The following MMP16 variants were observed in gnomAD, a reference collection of about 807,000 sequenced individuals.
MMP16 encodes matrix metallopeptidase 16.
MMP16 carries 12 observed loss-of-function variants against 67.8 expected under a neutral mutation model. The observed-to-expected ratio is 0.18, with a 90% CI of 0.11 to 0.29. MMP16 has a LOEUF of 0.29. MMP16 is among the 10% of genes least tolerant of loss of function. MMP16 has a pLI of 1.00. For synonymous variants in MMP16, 249 were observed against 255.9 expected (o/e 0.97, Z 0.26); for missense variants, 475 against 765.7 (o/e 0.62, Z 4.48).
At chr8:88,099,855 A>C (rs1045209597) in intron 6 of MMP16, among the ~76,000 whole-genome samples, 18 of 151,922 alleles carry the variant, frequency 1.2e-4, no homozygotes, top group Admixed American at 2.6e-4. Flanking sequence ...TGCATTTTAT[A>C]TAGGTAGAAT....
chr8:88,181,474 A>G (rs1808979833), intron 3 of MMP16, among the ~76,000 whole-genome samples: 1 of 151,886 alleles, frequency 6.6e-6, no homozygotes, highest in Non-Finnish European at 1.5e-5. Context: ...TAAATCTATC[A>G]AAATATGCAT....
chr8:88,044,523 C>A (rs1487844153), intron 9 of MMP16, among the ~76,000 whole-genome samples: 1 of 152,078 alleles, frequency 6.6e-6, no homozygotes, highest in African/African-American at 2.4e-5. Flanking sequence ...CTTTTAAAAG[C>A]AGCTTTGACA....
At chr8:88,101,222 T>C (rs569301705) in intron 6 of MMP16, among the ~76,000 whole-genome samples, 1 of 151,852 alleles carries the variant, frequency 6.6e-6, no homozygotes, top group Non-Finnish European at 1.5e-5. Context: ...AACCTAGGCT[T>C]TTCTGCTTTT....
intron 4 of MMP16, among the ~76,000 whole-genome samples, chr8:88,136,861 T>C (rs1447568926): frequency 6.6e-6 from 1 of 151,752 alleles, no homozygotes; most frequent in Non-Finnish European, 1.5e-5. Context: ...CACCACATTA[T>C]ACCATTACAT....
chr8:88,218,919 C>T lies in MMP16; in HGVS notation c.133-21613G>A, dbSNP rs145008250. ...CTAAGTTTAAAAATAGGTAGCCCAT[C>T]GTTGTCAGATCATTTATTAAATCAA... is the stretch of plus-strand genomic sequence containing the variant. On this transcript the variant is annotated intron_variant, in intron 1 of 9. Transcript: ENST00000286614. Among the ~76,000 whole-genome samples, 34 of 152,114 alleles carry T rather than the reference C, an allele frequency of 2.2e-4. 2 individuals are homozygous for T. Among genetic ancestry groups the T allele is most frequent in the Middle Eastern group, 3.4e-3 (1 of 294 alleles).
chr8:88,076,247 C>T (rs769688315), intron 6 of MMP16, among the ~76,000 whole-genome samples: 25 of 152,068 alleles, frequency 1.6e-4, no homozygotes, highest in Non-Finnish European at 2.8e-4. Flanking sequence ...TTAGTACAAA[C>T]GAATACCTAA....
intron 4 of MMP16, among the ~76,000 whole-genome samples, chr8:88,144,476 A>G (rs58206899): frequency 0.081 from 12,303 of 151,826 alleles, 539 homozygotes; most frequent in African/African-American, 0.11. Flanking sequence ...TGGATAATGT[A>G]TATTATGAAG....
At chr8:88,158,582 T>C (rs1398366610) in intron 4 of MMP16, among the ~76,000 whole-genome samples, 1 of 152,204 alleles carries the variant, frequency 6.6e-6, no homozygotes, top group African/African-American at 2.4e-5. Flanking sequence ...GTCAGATGGG[T>C]AGATTGCAAA....
rs398008661 is a variant in MMP16 at position 88,265,223 on chromosome 8, C to CTTTTTTTTTTTT, written c.132+61840_132+61851dup. On this transcript the variant is annotated intron_variant, in intron 1 of 9. Coordinates refer to ENST00000286614, the MANE Select transcript of MMP16 (RefSeq NM_005941.5). ...AACTAAGGGTAGAAATGACCATTTC[C>CTTTTTTTTTTTT]TTTTTTTTTTTTTTTTTTTTCAGAT... is the stretch of plus-strand genomic sequence containing the variant. 3.8e-4 allele frequency among the ~76,000 whole-genome samples: 38 copies of CTTTTTTTTTTTT among 100,780 alleles called. 1 individual carries two copies. Among genetic ancestry groups the CTTTTTTTTTTTT allele is most frequent in the African/African-American group, 8.4e-4 (21 of 24,896 alleles). 66.1% of individuals were successfully genotyped at this position (100,780 alleles called of 152,430 possible). A position where few individuals can be genotyped will look rare whatever the true frequency, so the allele number is the denominator to read the frequency against.
At chr8:88,165,456 A>G (rs899079587) in intron 4 of MMP16, among the ~76,000 whole-genome samples, 1 of 152,046 alleles carries the variant, frequency 6.6e-6, no homozygotes, top group Non-Finnish European at 1.5e-5. Flanking sequence ...CAGAATATCA[A>G]AAGAAAATCT....
chr8:88,109,756 T>G (rs1215713353), intron 6 of MMP16, among the ~76,000 whole-genome samples: 1 of 151,318 alleles, frequency 6.6e-6, no homozygotes, highest in Non-Finnish European at 1.5e-5. Flanking sequence ...TATAAGCACT[T>G]TCTATGCAAA....
intron 4 of MMP16, among the ~76,000 whole-genome samples, chr8:88,156,841 TAC>T (rs1252534506): frequency 1.7e-4 from 26 of 152,258 alleles, no homozygotes; most frequent in African/African-American, 6.0e-4. Flanking sequence ...GGAAAATTTC[TAC>T]AGAGACTATG....
intron 1 of MMP16, among the ~76,000 whole-genome samples, chr8:88,282,926 GT>G (rs1179064436): frequency 2.0e-5 from 3 of 151,976 alleles, no homozygotes; most frequent in African/African-American, 7.2e-5. Context: ...GCTTATTCAA[GT>G]TTTTTACATG....
intron 1 of MMP16, among the ~76,000 whole-genome samples, chr8:88,300,930 G>A (rs1325988730): frequency 6.6e-6 from 1 of 152,070 alleles, no homozygotes; most frequent in Non-Finnish European, 1.5e-5. Context: ...GATGGAAAAT[G>A]GAAAAAACAA....
intron 1 of MMP16, among the ~76,000 whole-genome samples, chr8:88,301,724 T>C (rs541685540): frequency 2.0e-5 from 3 of 152,298 alleles, no homozygotes; most frequent in East Asian, 1.9e-4. Context: ...ACCTTTGCTA[T>C]TGAGGAAGAA....
At chr8:88,182,759 A>G (rs1809001847) in intron 3 of MMP16, among the ~76,000 whole-genome samples, 2 of 152,176 alleles carry the variant, frequency 1.3e-5, no homozygotes, top group Admixed American at 6.5e-5. Flanking sequence ...ATGAACACAA[A>G]TGTGTATACT....
chr8:88,109,446 T>A (rs1809297440), intron 6 of MMP16, among the ~76,000 whole-genome samples: 1 of 151,276 alleles, frequency 6.6e-6, no homozygotes, highest in African/African-American at 2.4e-5. Context: ...AAGACCTGGG[T>A]GAATGTTTAA....
intron 3 of MMP16, among the ~76,000 whole-genome samples, chr8:88,178,846 G>C (rs1808934160): frequency 6.6e-6 from 1 of 151,560 alleles, no homozygotes; most frequent in Non-Finnish European, 1.5e-5. Flanking sequence ...ATTTCACTTT[G>C]AATTAAAGAG....
intron 1 of MMP16, among the ~76,000 whole-genome samples, chr8:88,317,809 C>T (rs1278205993): frequency 6.6e-6 from 1 of 151,990 alleles, no homozygotes; most frequent in African/African-American, 2.4e-5. Context: ...ATCTATTGGT[C>T]AACCACCATA....
Sources: gnomAD v4.1 joint callset for allele counts (sites outside exome capture counted in the v4.1 genomes callset) on GRCh38, gnomAD v4.1.1 for gene constraint, MANE v1.5 for transcripts, NCBI Gene and HGNC (gene_info 2026-07-23, HGNC 2026-07-21) for gene names.